The following DOCK8 variants were observed in gnomAD, a reference collection of about 807,000 sequenced individuals.
The protein encoded by DOCK8 is dedicator of cytokinesis 8, also known as dedicator of cytokinesis protein 8.
In DOCK8, 141 loss-of-function variants were observed where a neutral mutation model predicts 245.6. The observed-to-expected ratio is 0.57, with a 90% CI of 0.50 to 0.66. DOCK8 has a LOEUF of 0.66. DOCK8 is among the 30% of genes least tolerant of loss of function. The pLI, the probability that DOCK8 is intolerant of heterozygous loss-of-function variation, is 0.00. For synonymous variants in DOCK8, 1,168 were observed against 970.2 expected (o/e 1.20, Z -3.79); for missense variants, 2,965 against 2,603.4 (o/e 1.14, Z -3.02).
intron 24 of DOCK8, among the ~76,000 whole-genome samples, chr9:396,231 A>T (rs2054448235): frequency 6.6e-6 from 1 of 152,198 alleles, no homozygotes; most frequent in Non-Finnish European, 1.5e-5. Flanking sequence ...GCTAAAATTT[A>T]TAGGAGCAGA....
At chr9:412,757 G>T (rs1185822538) in intron 28 of DOCK8, among the ~76,000 whole-genome samples, 3 of 151,872 alleles carry the variant, frequency 2.0e-5, no homozygotes, top group East Asian at 1.9e-4. Flanking sequence ...TTGAAAGAAA[G>T]ATATAAATAA....
intron 46 of DOCK8, among the ~76,000 whole-genome samples, chr9:455,386 G>C (rs532237575): frequency 4.1e-4 from 63 of 152,252 alleles, no homozygotes; most frequent in African/African-American, 1.4e-3. Context: ...GTGTGTGCCT[G>C]TAGTCCCAGC....
intron 4 of DOCK8, among the ~76,000 whole-genome samples, chr9:292,285 A>G (rs1362789365): frequency 3.5e-5 from 5 of 141,036 alleles, no homozygotes; most frequent in African/African-American, 5.2e-5. Context: ...CAGGAGAATC[A>G]CTTGATCCTC....
At chr9:268,190 C>T (rs1214440168) in intron 1 of DOCK8, 1 of 152,200 alleles carries the variant, frequency 6.6e-6, no homozygotes, top group East Asian at 1.9e-4. Context: ...GAATGATTCA[C>T]TATTTTCATT....
At chr9:281,594 T>C (rs2048586973) in intron 2 of DOCK8, among the ~76,000 whole-genome samples, 1 of 152,150 alleles carries the variant, frequency 6.6e-6, no homozygotes. Flanking sequence ...CAATATTTGT[T>C]TTCTTCTTTG....
chr9:399,648 C>T (rs1000506922), intron 26 of DOCK8, among the ~76,000 whole-genome samples: 7 of 152,118 alleles, frequency 4.6e-5, no homozygotes, highest in South Asian at 2.1e-4. Flanking sequence ...AATTAAATTG[C>T]TGTTGTGATG....
At chr9:403,097 C>A (rs968914417) in intron 26 of DOCK8, among the ~76,000 whole-genome samples, 4 of 152,158 alleles carry the variant, frequency 2.6e-5, no homozygotes, top group Non-Finnish European at 4.4e-5. Context: ...ACCATGTTGG[C>A]CAGACTGGTC....
At chr9:415,715 C>T (rs1330678699) in intron 29 of DOCK8, among the ~76,000 whole-genome samples, 2 of 152,118 alleles carry the variant, frequency 1.3e-5, no homozygotes, top group African/African-American at 4.8e-5. Context: ...CACACAATTC[C>T]TATCCCATCA....
intron 12 of DOCK8, among the ~76,000 whole-genome samples, chr9:337,889 C>T (rs1046672623): frequency 3.9e-5 from 6 of 152,194 alleles, no homozygotes; most frequent in African/African-American, 2.4e-5. Flanking sequence ...GGCGCAGTGG[C>T]TCATGCCTGT....
rs997201746 is a variant in DOCK8 at position 359,764 on chromosome 9, C to T, written c.1680-8254C>T. 1.0e-4 allele frequency among the ~76,000 whole-genome samples: 15 copies of T among 143,320 alleles called. No individual in the cohort carries two copies. The East Asian group carries it at 2.9e-3, about 28-fold the overall frequency. The allele number at this position is 143,320 out of a possible 152,430, so 94.0% of individuals were successfully genotyped here. A position where few individuals can be genotyped will look rare whatever the true frequency, so the allele number is the denominator to read the frequency against. The stretch of plus-strand genomic sequence containing the variant: ...ATCTTTGTTCATGCAGTTGGCTTTG[C>T]TGCATTTCCACTTCATCAATTTTTT... On this transcript the variant is annotated intron_variant, in intron 14 of 47. Coordinates refer to ENST00000432829, the MANE Select transcript of DOCK8 (RefSeq NM_203447.4).
intron 4 of DOCK8, among the ~76,000 whole-genome samples, chr9:298,893 G>A (rs1298590163): frequency 6.8e-6 from 1 of 146,210 alleles, no homozygotes; most frequent in African/African-American, 2.6e-5. Context: ...AAATGTACAA[G>A]TCCTTAAAAA....
chr9:453,178 C>T (rs1246381214), intron 46 of DOCK8, among the ~76,000 whole-genome samples: 2 of 152,240 alleles, frequency 1.3e-5, no homozygotes, highest in Non-Finnish European at 2.9e-5. Flanking sequence ...GCTGCATATA[C>T]AGGAGACACA....
intron 7 of DOCK8, among the ~76,000 whole-genome samples, chr9:324,836 A>G (rs906452624): frequency 6.6e-6 from 1 of 152,162 alleles, no homozygotes. Context: ...AAATTTTTTT[A>G]TTTCAATGGC....
chr9:222,604 G>T (rs1413675157), intron 1 of DOCK8, among the ~76,000 whole-genome samples: 1 of 152,042 alleles, frequency 6.6e-6, no homozygotes, highest in Non-Finnish European at 1.5e-5. Flanking sequence ...TTCCTGTTTA[G>T]CTTCTCTCCT....
chr9:353,044 C>T (rs2052252661), intron 14 of DOCK8, among the ~76,000 whole-genome samples: 1 of 152,184 alleles, frequency 6.6e-6, no homozygotes, highest in Non-Finnish European at 1.5e-5. Context: ...GTGTCAGACA[C>T]TATGCTTGGT....
chr9:418,277 GT>G, intron 30 of DOCK8, 70 bp downstream of exon 30: 1 of 1,598,144 alleles, frequency 6.3e-7, no homozygotes, highest in Non-Finnish European at 8.6e-7. Context: ...TGTTTTGTTT[GT>G]TTGTTTGTTT....
rs2296824 is a variant in DOCK8 at position 316,998 on chromosome 9, C to G, written c.742-45C>G. On this transcript the variant is annotated intron_variant, in intron 6 of 47. Coordinates refer to ENST00000432829, the MANE Select transcript of DOCK8 (RefSeq NM_203447.4). ...CTGGGTTAACTCTAATTGGAGCTCCCCACAGAATTCACTAATGATTTCCTT... is the reference window on the plus strand; with the variant it reads ...CTGGGTTAACTCTAATTGGAGCTCCGCACAGAATTCACTAATGATTTCCTT... 2.0e-4 allele frequency: 293 copies of G among 1,473,364 alleles called. 1 individual carries two copies. The East Asian group carries it at 5.9e-3, about 30-fold the overall frequency. 91.3% of individuals were successfully genotyped at this position (1,473,364 alleles called of 1,614,324 possible). A position where few individuals can be genotyped will look rare whatever the true frequency, so the allele number is the denominator to read the frequency against.
intron 7 of DOCK8, among the ~76,000 whole-genome samples, chr9:319,219 G>C (rs1468311162): frequency 6.6e-6 from 1 of 152,176 alleles, no homozygotes; most frequent in African/African-American, 2.4e-5. Flanking sequence ...GGAGTTCAAG[G>C]CTGCAGTGAG....
chr9:379,732 C>A (rs2053663875), intron 20 of DOCK8, 39 bp from the exon 21 acceptor site: 1 of 1,612,466 alleles, frequency 6.2e-7, no homozygotes, highest in Non-Finnish European at 8.5e-7. Flanking sequence ...TCCTTAAGGA[C>A]CAGCTGTGGG....
Sources: allele counts gnomAD v4.1 joint callset (sites outside exome capture counted in the v4.1 genomes callset), GRCh38; gene constraint gnomAD v4.1.1; transcripts MANE v1.5; gene names NCBI Gene and HGNC (gene_info 2026-07-23, HGNC 2026-07-21).